PTPRN2: variants seen among roughly 807,000 people sequenced by gnomAD.
PTPRN2 encodes protein tyrosine phosphatase receptor type N2.
A neutral mutation model predicts 118.8 loss-of-function variants in PTPRN2; 74 were observed. That is an observed-to-expected ratio of 0.62 (90% CI 0.52 to 0.76). PTPRN2 has a LOEUF of 0.76. PTPRN2 is among the 30% of genes least tolerant of loss of function. The pLI is 0.00. For missense variants in PTPRN2, 1,481 were observed against 1,394.4 expected (o/e 1.06, Z -0.99); for synonymous variants, 641 against 608.0 (o/e 1.05, Z -0.80).
chr7:157,628,366 T>C lies in PTPRN2; in HGVS notation c.2197-6857A>G, dbSNP rs116119661. ...GCACAGACAGTCCAGAACACAACAGTGTCTGTTAACGATTGCAAGAGCACC... is the reference window on the plus strand; with the variant it reads ...GCACAGACAGTCCAGAACACAACAGCGTCTGTTAACGATTGCAAGAGCACC... On this transcript the variant is annotated intron_variant, in intron 14 of 22. Transcript: ENST00000389418. 1.8e-3 allele frequency among the ~76,000 whole-genome samples: 270 copies of C among 152,286 alleles called. 2 individuals are homozygous for C. The highest frequency in any genetic ancestry group is 5.7e-3 in the African/African-American group (238 of 41,570).
intron 3 of PTPRN2, among the ~76,000 whole-genome samples, chr7:158,267,401 A>G (rs1045175622): frequency 2.6e-5 from 4 of 152,156 alleles, no homozygotes; most frequent in Non-Finnish European, 1.5e-5. Context: ...AGCCGCCTGG[A>G]AGCCAGGGAG....
rs995684725 is a variant in PTPRN2, at chr7:157,585,193, G to A, written c.2497-7053C>T. Among the ~76,000 whole-genome samples, 4 of 152,318 alleles carry A rather than the reference G, an allele frequency of 2.6e-5. No individual in the cohort carries two copies. Among genetic ancestry groups the A allele is most frequent in the East Asian group, 3.9e-4 (2 of 5,180 alleles). The stretch of plus-strand genomic sequence containing the variant: ...CCCCCTGTGCCGCTATCAGATCGAC[G>A]CCTGTGCTGCCTTGTAGCCCCATCC... On this transcript the variant is annotated intron_variant, in intron 17 of 22. Coordinates refer to ENST00000389418, the MANE Select transcript of PTPRN2 (RefSeq NM_002847.5). This position sits in a 1 kb window ranked among gnomAD's most constrained non-coding sequence, Gnocchi z 5.2.
At chr7:158,279,541 C>A (rs1799267851) in intron 3 of PTPRN2, among the ~76,000 whole-genome samples, 1 of 152,168 alleles carries the variant, frequency 6.6e-6, no homozygotes, top group Admixed American at 6.5e-5. Context: ...CCATCATGGC[C>A]AACGACCCAG....
At chr7:157,799,042 GC>G (rs951266513) in intron 12 of PTPRN2, among the ~76,000 whole-genome samples, 1 of 152,134 alleles carries the variant, frequency 6.6e-6, no homozygotes, top group Non-Finnish European at 1.5e-5. Context: ...TCTAGATTTG[GC>G]CCCTAAATGT....
At chr7:157,810,049 G>T (rs1805890196) in intron 12 of PTPRN2, among the ~76,000 whole-genome samples, 1 of 152,220 alleles carries the variant, frequency 6.6e-6, no homozygotes, top group South Asian at 2.1e-4. Flanking sequence ...ACTCACGAGG[G>T]CTCGGCAGAG....
In PTPRN2 at chr7:157,780,108, G is replaced by C. The variant is rs556167433; in HGVS notation, c.1789-97171C>G. Among the ~76,000 whole-genome samples, 1 of 152,306 alleles carries C rather than the reference G, an allele frequency of 6.6e-6. No individual in the cohort carries two copies. Among genetic ancestry groups the C allele is most frequent in the African/African-American group, 2.4e-5 (1 of 41,562 alleles). On this transcript the variant is annotated intron_variant, in intron 12 of 22. Transcript: ENST00000389418. This position sits in a 1 kb window ranked among gnomAD's most constrained non-coding sequence, Gnocchi z 4.5. ...GATACTTTATAATTAGGGCTCACTA[G>C]TGACGAGCAAAAGCCCGTGAAACTG...
chr7:158,300,700 G>A (rs970934233), intron 3 of PTPRN2, among the ~76,000 whole-genome samples: 4 of 120,632 alleles, frequency 3.3e-5, no homozygotes, highest in African/African-American at 9.3e-5. Context: ...AAACACAAAC[G>A]ACCAAGGGTC....
rs1829070687 is a variant in PTPRN2 at position 158,587,756 on chromosome 7, C to A, written c.-87G>T. The A allele has an allele frequency of 3.3e-5, 35 of 1,056,124 alleles. No homozygotes were observed. Among genetic ancestry groups the A allele is most frequent in the Non-Finnish European group, 4.0e-5 (35 of 877,726 alleles). The allele number at this position is 1,056,124 out of a possible 1,614,324, so 65.4% of individuals were successfully genotyped here. Reference sequence around the variant, plus strand: ...GAGTCCGGGCCCAGGGAGGCGCGCGCCGCCGGCTCCTCCCGCCGCGCCTCT... The same window carrying A: ...GAGTCCGGGCCCAGGGAGGCGCGCGACGCCGGCTCCTCCCGCCGCGCCTCT... On this transcript the variant is annotated 5_prime_UTR_variant, in exon 1 of 23. Transcript: ENST00000389418.
At chr7:157,849,382 C>G (rs930154323) in intron 12 of PTPRN2, among the ~76,000 whole-genome samples, 8 of 152,126 alleles carry the variant, frequency 5.3e-5, no homozygotes, top group Admixed American at 2.0e-4. Flanking sequence ...TGTGGGTGTG[C>G]GTCCTCTCAG....
intron 2 of PTPRN2, among the ~76,000 whole-genome samples, chr7:158,351,277 T>C (rs993582786): frequency 6.8e-4 from 103 of 152,256 alleles, no homozygotes; most frequent in African/African-American, 2.4e-3. Context: ...GCTGGCACCA[T>C]TGGCCACTGC....
intron 1 of PTPRN2, among the ~76,000 whole-genome samples, chr7:158,502,035 C>T (rs546193078): frequency 3.3e-5 from 5 of 152,294 alleles, no homozygotes; most frequent in African/African-American, 9.6e-5. Flanking sequence ...GTAAAACGCA[C>T]CATCCTCTCC....
intron 12 of PTPRN2, among the ~76,000 whole-genome samples, chr7:157,703,894 T>C (rs1798202277): frequency 6.6e-6 from 1 of 152,180 alleles, no homozygotes; most frequent in Non-Finnish European, 1.5e-5. Context: ...CCCTGTAATA[T>C]TTATGTAGCT....
At chr7:158,322,477 C>T (rs1367544982) in intron 2 of PTPRN2, among the ~76,000 whole-genome samples, 1 of 152,128 alleles carries the variant, frequency 6.6e-6, no homozygotes, top group Non-Finnish European at 1.5e-5. Context: ...CAGCATCCAG[C>T]CCCGGTGGGC....
chr7:157,914,258 T>G (rs1798270280), intron 11 of PTPRN2, among the ~76,000 whole-genome samples: 1 of 152,206 alleles, frequency 6.6e-6, no homozygotes, highest in Admixed American at 6.5e-5. Flanking sequence ...AGATTCTCTG[T>G]CTTTGAGATT....
intron 12 of PTPRN2, among the ~76,000 whole-genome samples, chr7:157,814,510 G>A (rs551575123): frequency 1.4e-3 from 203 of 141,962 alleles, no homozygotes; most frequent in Middle Eastern, 6.9e-3. Flanking sequence ...GGGGCAGGAC[G>A]GGGCAGGACG....
chr7:158,376,676 C>T (rs867126433), intron 2 of PTPRN2, among the ~76,000 whole-genome samples: 5 of 100,558 alleles, frequency 5.0e-5, no homozygotes, highest in African/African-American at 1.6e-4. Flanking sequence ...CAGGGGACTC[C>T]CCCACAGCCC....
At chr7:158,149,992 A>C (rs1375322365) in intron 6 of PTPRN2, among the ~76,000 whole-genome samples, 1 of 152,262 alleles carries the variant, frequency 6.6e-6, no homozygotes, top group Non-Finnish European at 1.5e-5. Context: ...GCTGTTTGTT[A>C]AGCCTCATTA....
chr7:158,162,062 G>C (rs531044714), intron 6 of PTPRN2, among the ~76,000 whole-genome samples: 2 of 152,098 alleles, frequency 1.3e-5, no homozygotes, highest in East Asian at 3.9e-4. Context: ...CAGAAGGGCC[G>C]GAACCCAGAA....
At chr7:157,918,658 C>T (rs10248782) in intron 11 of PTPRN2, among the ~76,000 whole-genome samples, 121,926 of 152,180 alleles carry the variant, frequency 0.8, 49,108 homozygotes, top group African/African-American at 0.87. Flanking sequence ...GGCGTCGACA[C>T]CAAGAAAATG....
Sources: allele counts gnomAD v4.1 joint callset (sites outside exome capture counted in the v4.1 genomes callset), GRCh38; gene constraint gnomAD v4.1.1; non-coding constraint Gnocchi (gnomAD v3.1); transcripts MANE v1.5; gene names NCBI Gene and HGNC (gene_info 2026-07-23, HGNC 2026-07-21).